The following ZFHX3 variants were observed in gnomAD, a reference collection of about 807,000 sequenced individuals.
ZFHX3 encodes the protein zinc finger homeobox 3, also known as zinc finger homeobox protein 3.
A neutral mutation model predicts 279.1 loss-of-function variants in ZFHX3; 42 were observed. That is an observed-to-expected ratio of 0.15 (90% confidence interval 0.12 to 0.19). The LOEUF (loss-of-function observed/expected upper bound fraction) is 0.19. Ranked by LOEUF, ZFHX3 falls within the 10% of genes least tolerant of loss-of-function variation. The pLI, the probability that ZFHX3 is intolerant of heterozygous loss-of-function variation, is 1.00. For synonymous variants in ZFHX3, 2,293 were observed against 1,957.8 expected, an observed-to-expected ratio of 1.17 and a Z score of -4.52; for missense variants, 4,981 against 4,754.0, an observed-to-expected ratio of 1.05 and a Z score of -1.40.
intron 1 of ZFHX3, among the ~76,000 whole-genome samples, chr16:73,042,852 G>A (rs1386849431): frequency 6.6e-6 from 1 of 151,928 alleles, no homozygotes; most frequent in Non-Finnish European, 1.5e-5. Context: ...CCTAACTGCT[G>A]CCCCGAAAGA....
chr16:73,471,223 TC>T (rs2018660381), intron 2 of ZFHX3, among the ~76,000 whole-genome samples: 1 of 152,190 alleles, frequency 6.6e-6, no homozygotes, highest in Non-Finnish European at 1.5e-5. Context: ...CAGCTTTTGC[TC>T]TTGGGCTGTT....
At chr16:73,776,261 T>C (rs746080943) in intron 1 of ZFHX3, among the ~76,000 whole-genome samples, 3 of 152,172 alleles carry the variant, frequency 2.0e-5, no homozygotes, top group East Asian at 1.9e-4. Flanking sequence ...TGTGCAGGGC[T>C]AGGAGAGCTT....
chr16:73,036,294 T>C (rs1347492856), intron 1 of ZFHX3, among the ~76,000 whole-genome samples: 3 of 152,232 alleles, frequency 2.0e-5, no homozygotes, highest in African/African-American at 7.2e-5. Flanking sequence ...AATGAACTTT[T>C]TAGCCACCTC....
chr16:73,368,632 C>A (rs953446523), intron 3 of ZFHX3, among the ~76,000 whole-genome samples: 7 of 152,178 alleles, frequency 4.6e-5, no homozygotes, highest in Non-Finnish European at 7.3e-5. Context: ...GCTAATTGCA[C>A]CTTGACTATA....
chr16:73,015,972 G>A (rs910592650), intron 1 of ZFHX3: 6 of 152,232 alleles, frequency 3.9e-5, no homozygotes, highest in Admixed American at 6.5e-5. Context: ...ATGGCACCTT[G>A]AAGAATGGCC....
chr16:73,657,394 G>T (rs2142171658), intron 2 of ZFHX3, among the ~76,000 whole-genome samples: 1 of 152,312 alleles, frequency 6.6e-6, no homozygotes, highest in East Asian at 1.9e-4. Context: ...GGAGGCAGAG[G>T]TTGCAGCGAG....
chr16:73,698,194 A>T (rs987525628), intron 1 of ZFHX3, among the ~76,000 whole-genome samples: 3 of 152,214 alleles, frequency 2.0e-5, no homozygotes, highest in African/African-American at 7.2e-5. Flanking sequence ...AGAAAAAAAA[A>T]TTAATAGTAT....
intron 7 of ZFHX3, among the ~76,000 whole-genome samples, chr16:72,804,527 G>A (rs2036204989): frequency 6.6e-6 from 1 of 152,086 alleles, no homozygotes; most frequent in Non-Finnish European, 1.5e-5. Flanking sequence ...TCTACTAGGA[G>A]AGGTAACATA....
chr16:72,960,381 G>T (rs1961518419), intron 1 of ZFHX3, among the ~76,000 whole-genome samples, 187 bp from the exon 2 acceptor site: 1 of 152,164 alleles, frequency 6.6e-6, no homozygotes, highest in Non-Finnish European at 1.5e-5. Context: ...AGCACACAGG[G>T]GTGGCATGGC....
intron 8 of ZFHX3, among the ~76,000 whole-genome samples, chr16:73,090,657 C>A (rs1194021405): frequency 6.7e-6 from 1 of 150,280 alleles, no homozygotes; most frequent in Non-Finnish European, 1.5e-5. Flanking sequence ...GAGGCCAAGG[C>A]AGGCAGATTG....
intron 5 of ZFHX3, among the ~76,000 whole-genome samples, chr16:73,241,929 C>A (rs1432240513): frequency 1.3e-5 from 2 of 151,972 alleles, no homozygotes; most frequent in South Asian, 2.1e-4. Context: ...CGTTGAGTGA[C>A]CCCTTTGAGA....
intron 2 of ZFHX3, among the ~76,000 whole-genome samples, chr16:73,510,332 C>A (rs2019407404): frequency 6.6e-6 from 1 of 152,162 alleles, no homozygotes; most frequent in African/African-American, 2.4e-5. Flanking sequence ...GTGTTTGCCA[C>A]TGTGTCCCTG....
chr16:73,784,478 G>T (rs1032869657), intron 1 of ZFHX3, among the ~76,000 whole-genome samples: 1 of 152,114 alleles, frequency 6.6e-6, no homozygotes, highest in African/African-American at 2.4e-5. Flanking sequence ...GCTGGGCGCA[G>T]TGGCTCACGT....
At chr16:73,510,327 T>C (rs1238422343) in intron 2 of ZFHX3, among the ~76,000 whole-genome samples, 1 of 152,180 alleles carries the variant, frequency 6.6e-6, no homozygotes, top group Admixed American at 6.5e-5. Flanking sequence ...CTACAGTGTT[T>C]GCCACTGTGT....
rs71374573 is a variant in ZFHX3 at position 73,580,492 on chromosome 16, A to AAAACAAAC, written c.-1547+99680_-1547+99687dup. ...ACTCCGTCTCAAAAAAACAAAAACA[A>AAAACAAAC]AAACAAACAAACAAACAAAAAAAAA... On this transcript the variant is annotated intron_variant, in intron 2 of 17. Coordinates refer to the ZFHX3 transcript ENST00000641206. Among the ~76,000 whole-genome samples, 56 of 145,278 alleles carry AAAACAAAC rather than the reference A, an allele frequency of 3.9e-4. 1 individual carries two copies. The highest frequency in any genetic ancestry group is 4.3e-4 in the South Asian group (2 of 4,656).
chr16:73,649,795 G>A (rs2052653744), intron 2 of ZFHX3, among the ~76,000 whole-genome samples: 1 of 152,102 alleles, frequency 6.6e-6, no homozygotes, highest in South Asian at 2.1e-4. Context: ...CATGCCTAAT[G>A]GTACTCAACA....
At chr16:72,942,740 C>T (rs923112251) in intron 3 of ZFHX3, among the ~76,000 whole-genome samples, 3 of 152,092 alleles carry the variant, frequency 2.0e-5, no homozygotes, top group African/African-American at 4.8e-5. Flanking sequence ...TTGTTCCTGA[C>T]CCCTTTTTTA....
intron 4 of ZFHX3, among the ~76,000 whole-genome samples, chr16:73,292,034 T>C (rs2014784872): frequency 6.6e-6 from 1 of 152,194 alleles, no homozygotes; most frequent in Admixed American, 6.5e-5. Flanking sequence ...AGTATTGATA[T>C]TAGTGAGGTT....
chr16:73,336,271 T>C (rs2015910711), intron 3 of ZFHX3, among the ~76,000 whole-genome samples: 1 of 152,194 alleles, frequency 6.6e-6, no homozygotes, highest in Non-Finnish European at 1.5e-5. Flanking sequence ...CAGGGGTACA[T>C]GTGCAGGTCT....
Sources: gnomAD v4.1 joint callset for allele counts (sites outside exome capture counted in the v4.1 genomes callset) on GRCh38, gnomAD v4.1.1 for gene constraint, MANE v1.5 for transcripts, NCBI Gene and HGNC (gene_info 2026-07-23, HGNC 2026-07-21) for gene names.